The following LARGE1 variants were observed in gnomAD, a reference collection of about 807,000 sequenced individuals.
LARGE1 encodes xylosyl- and glucuronyltransferase LARGE1.
In LARGE1, 43 loss-of-function variants were observed where a neutral mutation model predicts 87.6. The observed-to-expected ratio is 0.49, with a 90% CI of 0.38 to 0.63. The LOEUF is 0.63. Among genes scored for constraint, LARGE1 ranks in the 30% least tolerant of loss-of-function variants. The pLI is 0.00. For missense variants in LARGE1, 802 were observed against 1,000.2 expected (o/e 0.80, Z 2.67); for synonymous variants, 434 against 394.6 (o/e 1.10, Z -1.18).
At chr22:33,152,674 T>C in the LARGE1 span, among the ~76,000 whole-genome samples, 1 of 152,166 alleles carries the variant, frequency 6.6e-6, no homozygotes, top group Non-Finnish European at 1.5e-5. Flanking sequence ...GTGCAATGCA[T>C]GATAATCGCA....
intron 9 of LARGE1, among the ~76,000 whole-genome samples, chr22:33,348,460 G>A (rs1940029002): frequency 1.3e-5 from 2 of 152,102 alleles, no homozygotes; most frequent in African/African-American, 4.8e-5. Context: ...CTGCTGCATA[G>A]GATCAATGAA....
rs373017569 is a variant in LARGE1, at chr22:33,895,394, G to A, written c.-83+24601C>T. The stretch of plus-strand genomic sequence containing the variant: ...CTGTGTAACAAACTGTCACAAAGTT[G>A]ATGGCTCAAAACAGCACACATTCAT... On this transcript the variant is annotated intron_variant, in intron 1 of 14. Coordinates refer to ENST00000397394, the MANE Select transcript of LARGE1 (RefSeq NM_133642.5). Among the ~76,000 whole-genome samples the A allele has an allele frequency of 2.3e-4, 35 of 152,286 alleles. No individual in the cohort carries two copies. In the East Asian group the frequency reaches 5.2e-3, roughly 23 times the overall value.
At chr22:33,717,587 T>C (rs2082950254) in intron 2 of LARGE1, among the ~76,000 whole-genome samples, 1 of 152,106 alleles carries the variant, frequency 6.6e-6, no homozygotes, top group Admixed American at 6.5e-5. Context: ...AACACTCAAA[T>C]CCCCACAGTG....
intron 5 of LARGE1, among the ~76,000 whole-genome samples, chr22:33,585,781 C>T (rs1353914100): frequency 6.6e-6 from 1 of 152,182 alleles, no homozygotes; most frequent in Non-Finnish European, 1.5e-5. Context: ...AGGGAGGAAT[C>T]ACTGTAGCTG....
chr22:33,180,711 A>G (rs1923115072), intron 11 of LARGE1, among the ~76,000 whole-genome samples: 2 of 152,262 alleles, frequency 1.3e-5, no homozygotes, highest in Non-Finnish European at 2.9e-5. Context: ...AAAATGTGAT[A>G]AATCCTCACA....
At chr22:33,569,007 C>A (rs2148809909) in intron 5 of LARGE1, among the ~76,000 whole-genome samples, 1 of 152,252 alleles carries the variant, frequency 6.6e-6, no homozygotes, top group Middle Eastern at 3.4e-3. Context: ...CCCCAAACTA[C>A]ATTATCCTTC....
intron 1 of LARGE1, among the ~76,000 whole-genome samples, chr22:33,905,886 T>C (rs1256995098): frequency 8.6e-5 from 13 of 151,950 alleles, no homozygotes; most frequent in African/African-American, 2.9e-4. Flanking sequence ...TCCCAGCAGT[T>C]TGGGAGGCTG....
chr22:33,269,410 C>T (rs916934539), downstream of LARGE1, among the ~76,000 whole-genome samples: 2 of 152,182 alleles, frequency 1.3e-5, no homozygotes, highest in Non-Finnish European at 2.9e-5. Flanking sequence ...TAGACTGTAC[C>T]TGGTTCACTG....
the LARGE1 span, among the ~76,000 whole-genome samples, chr22:33,103,075 C>A: frequency 6.6e-6 from 1 of 151,996 alleles, no homozygotes; most frequent in East Asian, 1.9e-4. Flanking sequence ...ATCCTTGGGC[C>A]TGTGAACATG....
rs2148594901 is a variant in LARGE1, at chr22:33,534,457, C to T, written c.787+30391G>A. Among the ~76,000 whole-genome samples, 2 of 151,960 alleles carry T rather than the reference C, an allele frequency of 1.3e-5. 1 individual carries two copies. The highest frequency in any genetic ancestry group is 6.8e-3 in the Middle Eastern group (2 of 294). On this transcript the variant is annotated intron_variant, in intron 6 of 14. Coordinates refer to ENST00000397394, the MANE Select transcript of LARGE1 (RefSeq NM_133642.5). ...GGATGAAGTCACTCACTGACTTCTA[C>T]TGCATCCACGAGTGAGGGTCCAGTC... is the stretch of plus-strand genomic sequence containing the variant.
At chr22:33,265,857 T>C (rs1927904021) in intron 11 of LARGE1, among the ~76,000 whole-genome samples, 2 of 152,138 alleles carry the variant, frequency 1.3e-5, no homozygotes, top group South Asian at 4.1e-4. Context: ...TGGTCCTCTG[T>C]ATCACAAGGG....
chr22:33,543,670 A>T lies in LARGE1; in HGVS notation c.787+21178T>A, dbSNP rs192097103. Among the ~76,000 whole-genome samples, 389 of 152,338 alleles carry T rather than the reference A, an allele frequency of 2.6e-3. 1 individual carries two copies. Among genetic ancestry groups the T allele is most frequent in the African/African-American group, 9.0e-3 (376 of 41,576 alleles). On this transcript the variant is annotated intron_variant, in intron 6 of 14. Coordinates refer to ENST00000397394, the MANE Select transcript of LARGE1 (RefSeq NM_133642.5). Reference sequence around the variant, plus strand: ...CTTTACTGAGACTTAAGCAGTTTTTAAAAAGAGAAATTTTGCTTCAGGCAT... The same window carrying T: ...CTTTACTGAGACTTAAGCAGTTTTTTAAAAGAGAAATTTTGCTTCAGGCAT...
intron 2 of LARGE1, among the ~76,000 whole-genome samples, chr22:33,746,065 C>G (rs980434783): frequency 1.3e-5 from 2 of 152,220 alleles, no homozygotes; most frequent in Non-Finnish European, 2.9e-5. Context: ...GTTCCCCCAT[C>G]TGCACAATAA....
chr22:33,336,777 T>A (rs548019273), intron 10 of LARGE1, among the ~76,000 whole-genome samples: 1 of 152,004 alleles, frequency 6.6e-6, no homozygotes, highest in Non-Finnish European at 1.5e-5. Context: ...AAAAGTCGGT[T>A]CTGGCCGGGC....
chr22:33,596,077 G>A (rs1001701298), intron 5 of LARGE1, among the ~76,000 whole-genome samples: 1 of 152,218 alleles, frequency 6.6e-6, no homozygotes, highest in African/African-American at 2.4e-5. Flanking sequence ...ATAGAAGAAA[G>A]TGGAAGGTTA....
intron 6 of LARGE1, among the ~76,000 whole-genome samples, chr22:33,465,829 TTCC>T (rs1299324096): frequency 6.6e-6 from 1 of 152,100 alleles, no homozygotes; most frequent in Admixed American, 6.5e-5. Context: ...TCTGCCCAAA[TTCC>T]TCCTCTCTCT....
chr22:33,390,187 C>T (rs1337330127), intron 7 of LARGE1, among the ~76,000 whole-genome samples: 1 of 152,214 alleles, frequency 6.6e-6, no homozygotes, highest in African/African-American at 2.4e-5. Flanking sequence ...ATATACCACT[C>T]TCTGTACCCC....
At chr22:33,285,187 G>T (rs191749149) in intron 12 of LARGE1, among the ~76,000 whole-genome samples, 1 of 152,248 alleles carries the variant, frequency 6.6e-6, no homozygotes, top group East Asian at 1.9e-4. Flanking sequence ...CTCCTGCTTG[G>T]ACACTGACCT....
At chr22:33,197,867 A>C (rs1250616654) in intron 11 of LARGE1, among the ~76,000 whole-genome samples, 1 of 152,114 alleles carries the variant, frequency 6.6e-6, no homozygotes, top group Non-Finnish European at 1.5e-5. Flanking sequence ...ATCAAAATTG[A>C]CTATAACTCT....
Sources: allele counts gnomAD v4.1 joint callset (sites outside exome capture counted in the v4.1 genomes callset), GRCh38; gene constraint gnomAD v4.1.1; transcripts MANE v1.5; gene names NCBI Gene and HGNC (gene_info 2026-07-23, HGNC 2026-07-21).